Variants in SPIDR observed in about 807,000 individuals in gnomAD.
SPIDR encodes the protein DNA repair-scaffolding protein.
Under a neutral mutation model 104.6 loss-of-function variants are expected in SPIDR, and 93 were observed. That is an observed-to-expected ratio of 0.89 (90% CI 0.75 to 1.06). The LOEUF is 1.06. SPIDR is among the 50% of genes least tolerant of loss of function. The pLI, the probability that SPIDR is intolerant of heterozygous loss-of-function variation, is 0.00. For missense variants in SPIDR, 1,154 were observed against 1,111.2 expected, an observed-to-expected ratio of 1.04 and a Z score of -0.55; for synonymous variants, 431 against 416.9, an observed-to-expected ratio of 1.03 and a Z score of -0.41.
chr8:47,723,794 A>G (rs73571465), intron 16 of SPIDR, among the ~76,000 whole-genome samples: 2,290 of 152,090 alleles, frequency 0.015, 58 homozygotes, highest in African/African-American at 0.053. Context: ...TTTACAGCCA[A>G]TCAAGTCCAC....
intron 5 of SPIDR, among the ~76,000 whole-genome samples, chr8:47,307,890 G>A (rs1554582370): frequency 6.6e-6 from 1 of 151,990 alleles, no homozygotes; most frequent in African/African-American, 2.4e-5. Flanking sequence ...TCTCTGGAAG[G>A]TCTGCCATCA....
chr8:47,328,191 T>A (rs2048025396), intron 5 of SPIDR, among the ~76,000 whole-genome samples: 1 of 151,960 alleles, frequency 6.6e-6, no homozygotes, highest in South Asian at 2.1e-4. Context: ...AGGTTTTTGC[T>A]CTTCTATTTA....
At chr8:47,713,376 C>G in intron 15 of SPIDR, 113 bp from the exon 16 acceptor site, 2 of 1,455,558 alleles carry the variant, frequency 1.4e-6, no homozygotes, top group Non-Finnish European at 1.9e-6. Context: ...GACACAGTCC[C>G]ATAACTGCAC....
intron 10 of SPIDR, chr8:47,653,916 CA>C (rs761220081): frequency 2.5e-5 from 23 of 932,046 alleles, no homozygotes; most frequent in Non-Finnish European, 2.9e-5. Context: ...GAATTGTTTA[CA>C]CTATGGGAAT....
At chr8:47,444,408 A>G (rs1252131505) in intron 8 of SPIDR, among the ~76,000 whole-genome samples, 2 of 152,228 alleles carry the variant, frequency 1.3e-5, no homozygotes, top group Non-Finnish European at 2.9e-5. Context: ...CCCCTGTGCC[A>G]GATACTTTGC....
Position 47,260,972 on chromosome 8 carries a change from G to C in SPIDR, c.14G>C (p.Ser5Thr). ...GCGCTCCCGGAGATGCCCCGCGGCA[G>C]CCGCGCTCGGGGCTCTAAGGTAGGC... is the stretch of plus-strand genomic sequence containing the variant. Reference protein sequence around the residue: MPRGSRARGSKRKRS... With the variant: MPRGTRARGSKRKRS... Residue 5 changes from serine to threonine, a missense_variant, in exon 1 of 20, where the codon AGC becomes ACC. Physicochemically the swap from Ser to Thr is moderately conservative, Grantham distance 58 (BLOSUM62 1). Transcript: ENST00000297423. 2 of 1,230,418 alleles carry C rather than the reference G, an allele frequency of 1.6e-6. No individual in the cohort carries two copies. Among genetic ancestry groups the C allele is most frequent in the Non-Finnish European group, 2.0e-6 (2 of 986,840 alleles). 76.2% of individuals were successfully genotyped at this position (1,230,418 alleles called of 1,614,324 possible). A position where few individuals can be genotyped will look rare whatever the true frequency, so the allele number is the denominator to read the frequency against.
intron 1 of SPIDR, among the ~76,000 whole-genome samples, chr8:47,276,236 G>C (rs2036401746): frequency 1.3e-5 from 2 of 152,148 alleles, no homozygotes; most frequent in Non-Finnish European, 2.9e-5. Flanking sequence ...TTATTTGAAA[G>C]TTACCTGTCC....
rs151193650 is a variant in SPIDR at position 47,389,421 on chromosome 8, G to A, written c.526-6955G>A. ...ATAAAAGTTTCCGGCCGGGCACGGT[G>A]GCTCACACCTGTAATCCCAGCACTT... On this transcript the variant is annotated intron_variant, in intron 5 of 19. Coordinates refer to ENST00000297423, the MANE Select transcript of SPIDR (RefSeq NM_001080394.4). Among the ~76,000 whole-genome samples the A allele has an allele frequency of 6.2e-4, 95 of 152,272 alleles. No homozygotes were observed. In the East Asian group the frequency reaches 0.018, roughly 28 times the overall value.
chr8:47,700,815 A>G (rs1275563098), intron 12 of SPIDR, among the ~76,000 whole-genome samples: 1 of 152,268 alleles, frequency 6.6e-6, no homozygotes, highest in African/African-American at 2.4e-5. Context: ...GTAAACATAT[A>G]GAATTTTTCC....
At chr8:47,279,826 T>C (rs2154220275) in intron 1 of SPIDR, 36 bp from the exon 2 acceptor site, 1 of 1,573,034 alleles carries the variant, frequency 6.4e-7, no homozygotes, top group African/African-American at 1.4e-5. Flanking sequence ...TTTTGTTTTT[T>C]TGTTTCGATT....
intron 10 of SPIDR, among the ~76,000 whole-genome samples, chr8:47,629,164 G>T (rs947716485): frequency 1.3e-5 from 2 of 152,156 alleles, no homozygotes; most frequent in African/African-American, 4.8e-5. Flanking sequence ...AGGGTAGACA[G>T]TATTAGGAGT....
chr8:47,615,517 G>C (rs2064181172), intron 10 of SPIDR, among the ~76,000 whole-genome samples: 1 of 144,640 alleles, frequency 6.9e-6, no homozygotes, highest in South Asian at 2.2e-4. Context: ...CTGTCGCACA[G>C]GCTGGAATAC....
Position 47,677,271 on chromosome 8 carries a change from G to T in SPIDR, c.1685+3330G>T, listed in dbSNP as rs571382323. Among the ~76,000 whole-genome samples the T allele has an allele frequency of 4.6e-5, 7 of 152,318 alleles. No homozygotes were observed. The East Asian group carries it at 1.4e-3, about 29-fold the overall frequency. On this transcript the variant is annotated intron_variant, in intron 11 of 19. Transcript: ENST00000297423. ...TGGCTTTGGTGTCATAATTCTGTGT[G>T]TGAACTTCATTTTTTGTTGCTGTTT...
At chr8:47,683,649 T>C (rs543772291) in intron 11 of SPIDR, among the ~76,000 whole-genome samples, 1 of 152,330 alleles carries the variant, frequency 6.6e-6, no homozygotes, top group Admixed American at 6.5e-5. Context: ...AATGGGAAAA[T>C]ATGAAATCCA....
chr8:47,727,249 T>G lies in SPIDR; in HGVS notation c.2391T>G (p.Cys797Trp). The G allele has an allele frequency of 6.2e-7, 1 of 1,614,056 alleles. No individual in the cohort carries two copies. Among genetic ancestry groups the G allele is most frequent in the Non-Finnish European group, 8.5e-7 (1 of 1,180,004 alleles). ...DESTAFSWPV[C>W]DMCGNGRLEQ... ...GCACTGCTTTCTCATGGCCTGTGTGTGACATGTGTGGCAACGGGAGATTGG... is the reference window on the plus strand; with the variant it reads ...GCACTGCTTTCTCATGGCCTGTGTGGGACATGTGTGGCAACGGGAGATTGG... The change falls in exon 17 of 20, where the codon TGT becomes TGG. Residue 797 changes from cysteine (C) to tryptophan (W), a missense_variant. Coordinates refer to ENST00000297423, the MANE Select transcript of SPIDR (RefSeq NM_001080394.4).
At chr8:47,658,029 C>CAAAAAAAAACA (rs2073194636) in intron 10 of SPIDR, among the ~76,000 whole-genome samples, 1 of 76,040 alleles carries the variant, frequency 1.3e-5, no homozygotes, top group Non-Finnish European at 2.5e-5. Context: ...GACCCTGTCT[C>CAAAAAAAAACA]AAAAAAAAAA....
intron 8 of SPIDR, among the ~76,000 whole-genome samples, chr8:47,555,009 A>AT (rs2091148261): frequency 6.6e-6 from 1 of 152,032 alleles, no homozygotes. Flanking sequence ...TTAATAGCAA[A>AT]TTTTTTTTCC....
rs1179436480 is a variant in SPIDR at position 47,293,981 on chromosome 8, C to G, written c.476C>G (p.Ala159Gly). Residue 159 changes from alanine to glycine, a missense_variant, in exon 5 of 20, where the codon GCA becomes GGA. Transcript: ENST00000297423. Reference protein sequence around the residue: ...AVEISDCASCASNQSLTSDEK... With the variant: ...AVEISDCASCGSNQSLTSDEK... Reference sequence around the variant, plus strand: ...GAAATCTCAGACTGTGCTTCTTGTGCAAGTAATCAGTCTTTGACAAGTGAT... The same window carrying G: ...GAAATCTCAGACTGTGCTTCTTGTGGAAGTAATCAGTCTTTGACAAGTGAT... 3 of 1,613,932 alleles carry G rather than the reference C, an allele frequency of 1.9e-6. No individual in the cohort carries two copies. Among genetic ancestry groups the G allele is most frequent in the Non-Finnish European group, 2.5e-6 (3 of 1,180,004 alleles).
rs529521552 is a variant in SPIDR, at chr8:47,432,586, A to G, written c.878-7737A>G. On this transcript the variant is annotated intron_variant, in intron 7 of 19. Transcript: ENST00000297423. ...ACTTTTTTAAATCAGAGGTATAAACAAGAAGTACAGTGATAACATAAAGAG... is the reference window on the plus strand; with the variant it reads ...ACTTTTTTAAATCAGAGGTATAAACGAGAAGTACAGTGATAACATAAAGAG... Among the ~76,000 whole-genome samples the G allele has an allele frequency of 1.1e-3, 167 of 152,350 alleles. 1 individual carries two copies. The highest frequency in any genetic ancestry group is 0.01 in the Middle Eastern group (3 of 294).
Sources: gnomAD v4.1 joint callset for allele counts (sites outside exome capture counted in the v4.1 genomes callset) on GRCh38, gnomAD v4.1.1 for gene constraint, MANE v1.5 for transcripts, NCBI Gene and HGNC (gene_info 2026-07-23, HGNC 2026-07-21) for gene names.